The following PTGER3 variants were observed in gnomAD, a reference collection of about 807,000 sequenced individuals.
The protein encoded by PTGER3 is prostaglandin E2 receptor EP3 subtype.
PTGER3 carries 22 observed loss-of-function variants against 34.7 expected under a neutral mutation model. The ratio of observed to expected loss-of-function variants is 0.63; its 90% CI spans 0.45 to 0.91. PTGER3 has a LOEUF of 0.91. Among genes scored for constraint, PTGER3 ranks in the 40% least tolerant of loss-of-function variants. PTGER3 has a pLI of 0.00. For synonymous variants in PTGER3, 241 were observed against 230.1 expected, an observed-to-expected ratio of 1.05 and a Z score of -0.43; for missense variants, 468 against 519.4, an observed-to-expected ratio of 0.90 and a Z score of 0.96.
intron 4 of PTGER3, among the ~76,000 whole-genome samples, chr1:70,872,101 C>T (rs920702628): frequency 1.3e-5 from 2 of 152,136 alleles, no homozygotes; most frequent in Non-Finnish European, 2.9e-5. Flanking sequence ...TTTTTAAAAG[C>T]CATTGACATA....
At chr1:70,888,742 T>C (rs1436174333) in intron 4 of PTGER3, among the ~76,000 whole-genome samples, 2 of 151,338 alleles carry the variant, frequency 1.3e-5, no homozygotes, top group Non-Finnish European at 2.9e-5. Flanking sequence ...CTTTGGTTTG[T>C]GAATTTGGGG....
rs1210063175 is a variant in PTGER3 at position 71,047,429 on chromosome 1, A to G, written c.149T>C (p.Val50Ala). ...CATGGTGATCGGGAAGGCCACGGAC[A>G]CCGATCCGCAATCCTCGCCAGACCC... is the stretch of plus-strand genomic sequence containing the variant. ...PPGSGEDCGS[V>A]SVAFPITMLL... Residue 50 changes from valine to alanine, a missense_variant, in exon 1 of 4, where the codon GTG becomes GCG. Around this residue, in one of 5 missense-constraint regions of PTGER3, gnomAD observed 151 missense variants for 133.5 expected, o/e 1.13. Transcript: ENST00000306666. 6.2e-7 allele frequency: 1 copy of G among 1,611,434 alleles called. No individual in the cohort carries two copies. The highest frequency in any genetic ancestry group is 8.5e-7 in the Non-Finnish European group (1 of 1,179,612).
At chr1:70,875,056 GCT>G in intron 4 of PTGER3, among the ~76,000 whole-genome samples, 1 of 152,318 alleles carries the variant, frequency 6.6e-6, no homozygotes, top group South Asian at 2.1e-4. Context: ...GGAATATTCA[GCT>G]TCTCCCTTCC....
chr1:70,981,293 TTC>T (rs1654240641), intron 2 of PTGER3, among the ~76,000 whole-genome samples: 1 of 58,750 alleles, frequency 1.7e-5, no homozygotes, highest in African/African-American at 6.0e-5. Flanking sequence ...TCTCTCTCTC[TTC>T]CTTCCTTCCT....
downstream of PTGER3, among the ~76,000 whole-genome samples, chr1:70,966,398 A>C (rs1652517374): frequency 6.6e-6 from 1 of 152,194 alleles, no homozygotes; most frequent in African/African-American, 2.4e-5. Context: ...ATAGAAATAA[A>C]AAATTTTAAA....
chr1:71,020,687 ATGTT>A (rs1658324679), intron 1 of PTGER3, among the ~76,000 whole-genome samples: 1 of 145,216 alleles, frequency 6.9e-6, no homozygotes, highest in Non-Finnish European at 1.5e-5. Context: ...GCTTTGGTGT[ATGTT>A]AGCAGAGTGT....
intron 2 of PTGER3, among the ~76,000 whole-genome samples, chr1:70,962,008 A>G (rs926500700): frequency 3.3e-5 from 5 of 152,226 alleles, no homozygotes; most frequent in African/African-American, 1.2e-4. Context: ...GATTCTAAAT[A>G]TAGTGACCTG....
chr1:70,882,132 A>C (rs1646403505), intron 4 of PTGER3, among the ~76,000 whole-genome samples: 1 of 152,240 alleles, frequency 6.6e-6, no homozygotes, highest in Non-Finnish European at 1.5e-5. Flanking sequence ...GGAAAAAGGC[A>C]GGCTTTGCCT....
intron 2 of PTGER3, among the ~76,000 whole-genome samples, chr1:70,958,814 T>C (rs905434732): frequency 3.9e-5 from 6 of 152,206 alleles, no homozygotes; most frequent in African/African-American, 1.4e-4. Context: ...GTTTGGATCT[T>C]ATGTTTGAGT....
At chr1:70,973,765 A>C (rs1653390056) in intron 3 of PTGER3, among the ~76,000 whole-genome samples, 1 of 152,210 alleles carries the variant, frequency 6.6e-6, no homozygotes, top group Non-Finnish European at 1.5e-5. Context: ...GAAATACTAA[A>C]AAGAGGTGCT....
chr1:70,898,586 C>T (rs74089104), intron 4 of PTGER3, among the ~76,000 whole-genome samples: 20,425 of 152,092 alleles, frequency 0.13, 2,819 homozygotes, highest in East Asian at 0.43. Context: ...TGGTCATGAG[C>T]ACAGTCTCTT....
chr1:70,888,753 AT>A (rs61080121), intron 4 of PTGER3, among the ~76,000 whole-genome samples: 103 of 149,998 alleles, frequency 6.9e-4, no homozygotes, highest in African/African-American at 2.5e-3. Context: ...GAATTTGGGG[AT>A]TTTTTTTTTC....
chr1:70,986,974 T>G (rs1212740278), intron 2 of PTGER3, among the ~76,000 whole-genome samples: 3 of 152,148 alleles, frequency 2.0e-5, no homozygotes. Flanking sequence ...CTAGAAAAAT[T>G]TTAAGCAGAT....
intron 2 of PTGER3, among the ~76,000 whole-genome samples, chr1:70,982,720 T>C (rs1363442156): frequency 1.3e-5 from 2 of 152,156 alleles, no homozygotes; most frequent in Admixed American, 6.5e-5. Flanking sequence ...TTTGTGGACA[T>C]CTATGCAAGG....
At chr1:70,985,695 T>C (rs983148341) in intron 2 of PTGER3, among the ~76,000 whole-genome samples, 14 of 152,200 alleles carry the variant, frequency 9.2e-5, no homozygotes, top group Admixed American at 7.2e-4. Context: ...CTGCCTTTGC[T>C]CGCTAGAAGC....
chr1:70,938,149 T>C (rs1042878495), intron 4 of PTGER3, among the ~76,000 whole-genome samples: 2 of 152,116 alleles, frequency 1.3e-5, no homozygotes, highest in Admixed American at 6.6e-5. Context: ...AAAGTCTTAT[T>C]TTAAAAGCTT....
At chr1:70,860,220 T>G (rs941340732) in intron 4 of PTGER3, among the ~76,000 whole-genome samples, 2 of 152,206 alleles carry the variant, frequency 1.3e-5, no homozygotes, top group Non-Finnish European at 2.9e-5. Context: ...TTAAAAATAA[T>G]ATATATTCTA....
chr1:70,915,639 C>T (rs889184218), intron 4 of PTGER3, among the ~76,000 whole-genome samples: 5 of 151,962 alleles, frequency 3.3e-5, no homozygotes, highest in Non-Finnish European at 2.9e-5. Flanking sequence ...TTAAGTGTCT[C>T]AAATATAATT....
At chr1:70,870,011 A>G (rs1489748116) in intron 4 of PTGER3, among the ~76,000 whole-genome samples, 1 of 152,140 alleles carries the variant, frequency 6.6e-6, no homozygotes, top group East Asian at 1.9e-4. Flanking sequence ...TCCTCTCTGC[A>G]CTACTTGAAT....
Sources: allele counts gnomAD v4.1 joint callset (sites outside exome capture counted in the v4.1 genomes callset), GRCh38; gene constraint gnomAD v4.1.1; regional missense constraint gnomAD v4.1.1; transcripts MANE v1.5; gene names NCBI Gene and HGNC (gene_info 2026-07-23, HGNC 2026-07-21).